The following SUGCT variants were observed in gnomAD, a reference collection of about 807,000 sequenced individuals.
SUGCT encodes the protein succinyl-CoA:glutarate-CoA transferase.
SUGCT carries 41 observed loss-of-function variants against 55.0 expected under a neutral mutation model. The ratio of observed to expected loss-of-function variants is 0.74; its 90% CI spans 0.58 to 0.97. The LOEUF is 0.97. Among genes scored for constraint, SUGCT ranks in the 50% least tolerant of loss-of-function variants. The pLI, the probability that SUGCT is intolerant of heterozygous loss-of-function variation, is 0.00. For missense variants in SUGCT, 568 were observed against 547.8 expected (o/e 1.04, Z -0.37); for synonymous variants, 187 against 200.4 (o/e 0.93, Z 0.56).
At chr7:40,689,806 T>A (rs1216343058) in intron 12 of SUGCT, among the ~76,000 whole-genome samples, 1 of 152,108 alleles carries the variant, frequency 6.6e-6, no homozygotes, top group Non-Finnish European at 1.5e-5. Flanking sequence ...GAGAAGGATA[T>A]TGAGTGAGTC....
Position 40,328,686 on chromosome 7 carries a change from T to C in SUGCT, c.816+11831T>C, listed in dbSNP as rs1031259419. The stretch of plus-strand genomic sequence containing the variant: ...TCGATCATCTTGTACTGAAGGACTT[T>C]ATTGAACAAGAAAGTGGGTTTTGTA... On this transcript the variant is annotated intron_variant, in intron 9 of 13. Transcript: ENST00000335693. Among the ~76,000 whole-genome samples, 5 of 152,154 alleles carry C rather than the reference T, an allele frequency of 3.3e-5. No individual in the cohort carries two copies. The South Asian group carries it at 1.0e-3, about 32-fold the overall frequency.
intron 12 of SUGCT, among the ~76,000 whole-genome samples, chr7:40,508,874 C>T (rs1474500284): frequency 6.6e-6 from 1 of 152,116 alleles, no homozygotes; most frequent in African/African-American, 2.4e-5. Context: ...GAGCTTGGTG[C>T]TTATTCTCTT....
chr7:40,920,236 C>T, the SUGCT span, among the ~76,000 whole-genome samples: 4 of 152,134 alleles, frequency 2.6e-5, no homozygotes, highest in Non-Finnish European at 5.9e-5. Flanking sequence ...AACCATATCT[C>T]GGTCTCTTCT....
chr7:40,475,780 A>G (rs1253969874), intron 11 of SUGCT, among the ~76,000 whole-genome samples: 1 of 152,196 alleles, frequency 6.6e-6, no homozygotes, highest in Non-Finnish European at 1.5e-5. Flanking sequence ...ATGTGAAAGC[A>G]CCTAACAGTG....
chr7:40,874,458 T>G, the SUGCT span, among the ~76,000 whole-genome samples: 1 of 152,250 alleles, frequency 6.6e-6, no homozygotes, highest in Non-Finnish European at 1.5e-5. Flanking sequence ...CAGAGACATT[T>G]TCTTTTCAGT....
At chr7:41,010,380 T>TA in the SUGCT span, among the ~76,000 whole-genome samples, 5 of 152,034 alleles carry the variant, frequency 3.3e-5, no homozygotes, top group African/African-American at 9.7e-5. Flanking sequence ...CATAGTGGAG[T>TA]AAAAAAATGG....
intron 12 of SUGCT, among the ~76,000 whole-genome samples, chr7:40,605,136 A>C (rs1476163448): frequency 6.6e-6 from 1 of 152,272 alleles, no homozygotes; most frequent in African/African-American, 2.4e-5. Context: ...CTCTACCAGC[A>C]TAAGACGATG....
chr7:40,286,841 G>GC (rs2151034280), intron 8 of SUGCT, among the ~76,000 whole-genome samples: 1 of 100,720 alleles, frequency 9.9e-6, no homozygotes, highest in East Asian at 3.0e-4. Flanking sequence ...TGTTTGTTTG[G>GC]CTGGGAAAGA....
At chr7:40,506,281 G>A (rs1402028416) in intron 12 of SUGCT, among the ~76,000 whole-genome samples, 2 of 151,932 alleles carry the variant, frequency 1.3e-5, no homozygotes, top group Non-Finnish European at 2.9e-5. Flanking sequence ...ATTCTTGTTA[G>A]ACAGTTTCTT....
rs138461300 is a variant in SUGCT at position 40,718,895 on chromosome 7, A to G, written c.1090-30539A>G. On this transcript the variant is annotated intron_variant, in intron 12 of 13. Transcript: ENST00000335693. ...AATCTTTTCCCACAGACTATATGAT[A>G]TAAAAATTTAAAAGCCAGTATGAAA... Among the ~76,000 whole-genome samples, 73 of 152,360 alleles carry G rather than the reference A, an allele frequency of 4.8e-4. No individual in the cohort carries two copies. In the East Asian group the frequency reaches 0.011, roughly 23 times the overall value.
chr7:40,161,617 C>T (rs951561644), intron 1 of SUGCT, among the ~76,000 whole-genome samples: 1 of 152,208 alleles, frequency 6.6e-6, no homozygotes, highest in African/African-American at 2.4e-5. Flanking sequence ...AGGAGAATCA[C>T]GTCACCAATG....
At chr7:40,158,490 C>T (rs187755243) in intron 1 of SUGCT, among the ~76,000 whole-genome samples, 161 of 152,244 alleles carry the variant, frequency 1.1e-3, no homozygotes, top group African/African-American at 3.6e-3. Context: ...GTGGCTCACG[C>T]CTGTAATCCC....
chr7:40,386,403 G>A (rs1014114033), intron 9 of SUGCT, among the ~76,000 whole-genome samples: 3 of 152,142 alleles, frequency 2.0e-5, no homozygotes, highest in African/African-American at 7.2e-5. Flanking sequence ...AAGTTGTGGG[G>A]CTGAGGTCCT....
the SUGCT span, among the ~76,000 whole-genome samples, chr7:40,988,835 G>T: frequency 1.3e-5 from 2 of 152,006 alleles, no homozygotes; most frequent in Non-Finnish European, 2.9e-5. Flanking sequence ...ATTTTTTCCA[G>T]TTAATATATG....
rs542991572 is a variant in SUGCT, at chr7:40,280,049, A to T, written c.720+5393A>T. ...GTTAGTTGCTAAAAATGAAATTGTT[A>T]TATTCCTCTTAAAAGTGATCTAGTG... On this transcript the variant is annotated intron_variant, in intron 8 of 13. Transcript: ENST00000335693. 2.0e-5 allele frequency among the ~76,000 whole-genome samples: 3 copies of T among 152,296 alleles called. No homozygotes were observed. In the South Asian group the frequency reaches 6.2e-4, roughly 32 times the overall value.
chr7:40,584,539 G>T (rs1797273573), intron 12 of SUGCT, among the ~76,000 whole-genome samples: 1 of 152,134 alleles, frequency 6.6e-6, no homozygotes, highest in African/African-American at 2.4e-5. Flanking sequence ...GTTCCCATGT[G>T]CATAGTGATC....
intron 12 of SUGCT, among the ~76,000 whole-genome samples, chr7:40,748,593 GA>G (rs1411701318): frequency 6.6e-6 from 1 of 151,386 alleles, no homozygotes; most frequent in Non-Finnish European, 1.5e-5. Context: ...TAGTTATAGA[GA>G]ATAAGAATTT....
At chr7:40,460,908 G>A (rs1485030583) in intron 11 of SUGCT, among the ~76,000 whole-genome samples, 4 of 152,168 alleles carry the variant, frequency 2.6e-5, no homozygotes, top group Admixed American at 6.5e-5. Context: ...CGGGGCAGGC[G>A]TGGGTAGTCC....
intron 9 of SUGCT, among the ~76,000 whole-genome samples, chr7:40,388,827 G>T (rs1785256351): frequency 6.6e-6 from 1 of 151,998 alleles, no homozygotes; most frequent in African/African-American, 2.4e-5. Context: ...CTATTATTTT[G>T]GATTTGGATA....
Sources: allele counts gnomAD v4.1 joint callset (sites outside exome capture counted in the v4.1 genomes callset), GRCh38; gene constraint gnomAD v4.1.1; transcripts MANE v1.5; gene names NCBI Gene and HGNC (gene_info 2026-07-23, HGNC 2026-07-21).